The following ARK2N variants were observed in gnomAD, a reference collection of about 807,000 sequenced individuals.
The protein encoded by ARK2N is arkadia (RNF111) N-terminal like PKA signaling regulator 2N.
At chr18:46,175,354 C>G in the ARK2N span, among the ~76,000 whole-genome samples, 1 of 152,092 alleles carries the variant, frequency 6.6e-6, no homozygotes, top group Non-Finnish European at 1.5e-5. Context: ...GCCAATTTTG[C>G]TTAGGCTTTT....
the ARK2N span, among the ~76,000 whole-genome samples, chr18:46,200,066 T>TTGTGTGTGTGTGTG: frequency 2.1e-4 from 32 of 150,180 alleles, no homozygotes; most frequent in African/African-American, 5.9e-4. Flanking sequence ...AAATTCTTTA[T>TTGTGTGTGTGTGTG]TGTGTGTGTG....
chr18:46,207,483 G>A, the ARK2N span, among the ~76,000 whole-genome samples: 1 of 147,764 alleles, frequency 6.8e-6, no homozygotes, highest in Non-Finnish European at 1.5e-5. Flanking sequence ...TCTGCCTTCT[G>A]GGTTCAAGCC....
At chr18:46,185,381 C>T in the ARK2N span, among the ~76,000 whole-genome samples, 1 of 152,182 alleles carries the variant, frequency 6.6e-6, no homozygotes, top group Admixed American at 6.5e-5. Context: ...GCTTAAATTT[C>T]CTCTGATAGC....
chr18:46,176,670 G>C, the ARK2N span, among the ~76,000 whole-genome samples: 1 of 150,992 alleles, frequency 6.6e-6, no homozygotes, highest in Non-Finnish European at 1.5e-5. Flanking sequence ...TTGTTGCCCA[G>C]GCTGGAGTGC....
At chr18:46,259,443 C>G in the ARK2N span, among the ~76,000 whole-genome samples, 1 of 151,850 alleles carries the variant, frequency 6.6e-6, no homozygotes, top group Non-Finnish European at 1.5e-5. Context: ...GGGGTTTCAC[C>G]GTGTTACCCA....
chr18:46,240,129 G>A, the ARK2N span: 1 of 1,614,220 alleles, frequency 6.2e-7, no homozygotes, highest in Non-Finnish European at 8.5e-7. Context: ...TAGGCGGCCA[G>A]GACACAGGAG....
the ARK2N span, among the ~76,000 whole-genome samples, chr18:46,229,135 T>G: frequency 0.019 from 2,932 of 152,162 alleles, 73 homozygotes; most frequent in African/African-American, 0.06. Context: ...TATAACAGAA[T>G]CATATATATG....
At chr18:46,238,475 G>A in the ARK2N span, among the ~76,000 whole-genome samples, 1 of 151,924 alleles carries the variant, frequency 6.6e-6, no homozygotes, top group East Asian at 1.9e-4. Flanking sequence ...CCTGAAACAC[G>A]AATCATTTTC....
the ARK2N span, among the ~76,000 whole-genome samples, chr18:46,180,124 T>C: frequency 2.0e-5 from 3 of 152,228 alleles, no homozygotes; most frequent in Non-Finnish European, 4.4e-5. Context: ...TTACAGTGTT[T>C]TAAGTTTTGT....
At chr18:46,250,671 A>G in the ARK2N span, among the ~76,000 whole-genome samples, 78 of 152,174 alleles carry the variant, frequency 5.1e-4, no homozygotes, top group Non-Finnish European at 1.0e-3. Context: ...TTTAAAATGC[A>G]AAACCAGATG....
At chr18:46,201,779 CT>C in the ARK2N span, among the ~76,000 whole-genome samples, 2,139 of 135,692 alleles carry the variant, frequency 0.016, 41 homozygotes, top group African/African-American at 0.048. Context: ...CTTTTCTTTT[CT>C]TTTTTTTTTT....
At chr18:46,188,392 G>C in the ARK2N span, among the ~76,000 whole-genome samples, 1 of 152,200 alleles carries the variant, frequency 6.6e-6, no homozygotes, top group African/African-American at 2.4e-5. Context: ...GTAGAGATGG[G>C]GTTTCACCAT....
At chr18:46,220,619 A>G in the ARK2N span, among the ~76,000 whole-genome samples, 4 of 152,194 alleles carry the variant, frequency 2.6e-5, no homozygotes, top group Admixed American at 2.0e-4. Context: ...GGTATTGCAT[A>G]TGTCGTCCTT....
the ARK2N span, among the ~76,000 whole-genome samples, chr18:46,253,341 A>G: frequency 3.3e-5 from 5 of 152,320 alleles, no homozygotes; most frequent in South Asian, 1.0e-3. Flanking sequence ...TTGAATGCAA[A>G]AAGCATTACA....
At chr18:46,176,837 G>A in the ARK2N span, among the ~76,000 whole-genome samples, 473 of 152,124 alleles carry the variant, frequency 3.1e-3, 4 homozygotes, top group African/African-American at 0.011. Context: ...GGCTGGTCTC[G>A]AACTCCTGAC....
the ARK2N span, among the ~76,000 whole-genome samples, chr18:46,252,525 T>G: frequency 6.6e-6 from 1 of 152,126 alleles, no homozygotes; most frequent in African/African-American, 2.4e-5. Flanking sequence ...CCGCCCACCT[T>G]GGCCTCCCAA....
the ARK2N span, among the ~76,000 whole-genome samples, chr18:46,176,847 C>G: frequency 6.6e-6 from 1 of 152,132 alleles, no homozygotes; most frequent in East Asian, 1.9e-4. Context: ...GAACTCCTGA[C>G]CTCAGGCAAT....
At chr18:46,199,913 T>C in the ARK2N span, among the ~76,000 whole-genome samples, 5 of 152,312 alleles carry the variant, frequency 3.3e-5, no homozygotes, top group East Asian at 9.6e-4. Context: ...CAGTTTGTCC[T>C]GTGGACTTAA....
At chr18:46,190,402 C>A in the ARK2N span, among the ~76,000 whole-genome samples, 2 of 149,572 alleles carry the variant, frequency 1.3e-5, no homozygotes, top group Admixed American at 6.7e-5. Flanking sequence ...TGCCTGTAAT[C>A]CCAGCTACTC....
Sources: allele counts gnomAD v4.1 joint callset (sites outside exome capture counted in the v4.1 genomes callset), GRCh38; gene constraint gnomAD v4.1.1; transcripts MANE v1.5; gene names NCBI Gene and HGNC (gene_info 2026-07-23, HGNC 2026-07-21).